EHD4: variants seen among roughly 807,000 people sequenced by gnomAD.
EHD4 encodes the protein EH domain-containing protein 4.
Under a neutral mutation model 51.0 loss-of-function variants are expected in EHD4, and 37 were observed. That is an observed-to-expected ratio of 0.73 (90% CI 0.56 to 0.95). The LOEUF (loss-of-function observed/expected upper bound fraction) is 0.95. EHD4 is among the 40% of genes least tolerant of loss of function. The pLI, the probability that EHD4 is intolerant of heterozygous loss-of-function variation, is 0.00. For synonymous variants in EHD4, 297 were observed against 317.3 expected (o/e 0.94, Z 0.68); for missense variants, 632 against 733.1 (o/e 0.86, Z 1.59).
rs149100523 is a variant in EHD4 at position 41,910,946 on chromosome 15, G to T, written c.925-1083C>A. 4.3e-3 allele frequency among the ~76,000 whole-genome samples: 651 copies of T among 152,230 alleles called. 5 individuals are homozygous for T. Among genetic ancestry groups the T allele is most frequent in the African/African-American group, 0.015 (621 of 41,522 alleles). ...AATAAGAAAGGATGAAAAACAGAGT[G>T]GTGATTACAAAAAGAAAATGACTAT... On this transcript the variant is annotated intron_variant, in intron 4 of 5. Coordinates refer to ENST00000220325, the MANE Select transcript of EHD4 (RefSeq NM_139265.4).
chr15:41,936,288 A>C (rs2067731197), intron 3 of EHD4, among the ~76,000 whole-genome samples: 1 of 152,136 alleles, frequency 6.6e-6, no homozygotes, highest in African/African-American at 2.4e-5. Context: ...AAGACAAGCT[A>C]CCATACTTGC....
intron 2 of EHD4, among the ~76,000 whole-genome samples, chr15:41,953,306 T>C (rs949197968): frequency 5.3e-5 from 8 of 152,222 alleles, no homozygotes; most frequent in African/African-American, 1.9e-4. Context: ...CACTGCCTCA[T>C]GAGGCAGCCT....
chr15:41,914,507 CA>C (rs2067570368), intron 4 of EHD4, among the ~76,000 whole-genome samples: 1 of 152,168 alleles, frequency 6.6e-6, no homozygotes, highest in South Asian at 2.1e-4. Flanking sequence ...AAACTGGCAC[CA>C]ATGGCACGTG....
chr15:41,919,387 C>A lies in EHD4; in HGVS notation c.747G>T (p.Thr249=), dbSNP rs761326048. 1 of 1,611,214 alleles carries A rather than the reference C, an allele frequency of 6.2e-7. No homozygotes were observed. Among genetic ancestry groups the A allele is most frequent in the Non-Finnish European group, 8.5e-7 (1 of 1,178,250 alleles). Residue 249 remains threonine, a synonymous_variant, in exon 4 of 6, where the codon ACG becomes ACT. Transcript: ENST00000220325. ...CAATGTAGACGCGCAGTACCTCGGG[C>A]GTGTTGATGACCTTGCCTAGGGACC... ...LMWSLGKVIN[T]PEVLRVYIGS... is the part of the protein sequence containing the mutation.
chr15:41,906,487 T>C (rs745414124), intron 5 of EHD4, among the ~76,000 whole-genome samples: 5 of 152,150 alleles, frequency 3.3e-5, no homozygotes, highest in Non-Finnish European at 7.3e-5. Context: ...CTTATTCTTC[T>C]TGGATGCAGG....
intron 3 of EHD4, among the ~76,000 whole-genome samples, chr15:41,939,456 A>G (rs2067752196): frequency 6.6e-6 from 1 of 152,112 alleles, no homozygotes; most frequent in Non-Finnish European, 1.5e-5. Flanking sequence ...GCACTTTGGG[A>G]GGCCGAGGCG....
chr15:41,943,296 A>T (rs1267908113), intron 2 of EHD4, 132 bp from the exon 3 acceptor site: 1 of 631,118 alleles, frequency 1.6e-6, no homozygotes, highest in African/African-American at 1.8e-5. Context: ...ACAGAAACTG[A>T]GGATGCCTAA....
chr15:41,952,856 G>T (rs923393869), intron 2 of EHD4, among the ~76,000 whole-genome samples: 1 of 151,916 alleles, frequency 6.6e-6, no homozygotes, highest in African/African-American at 2.4e-5. Context: ...TGGGTGTGGT[G>T]GTGGGTGCCT....
chr15:41,902,203 G>A (rs1378689428), intron 5 of EHD4, among the ~76,000 whole-genome samples: 4 of 151,988 alleles, frequency 2.6e-5, no homozygotes, highest in East Asian at 1.9e-4. Context: ...GGATGGCACC[G>A]TAGAAACTGA....
At chr15:41,911,964 T>C (rs2067552838) in intron 4 of EHD4, among the ~76,000 whole-genome samples, 1 of 152,128 alleles carries the variant, frequency 6.6e-6, no homozygotes, top group African/African-American at 2.4e-5. Flanking sequence ...GGGCACACTG[T>C]TCCTGAACAC....
At chr15:41,917,373 A>G (rs1241694401) in intron 4 of EHD4, among the ~76,000 whole-genome samples, 1 of 151,712 alleles carries the variant, frequency 6.6e-6, no homozygotes, top group Non-Finnish European at 1.5e-5. Context: ...CCCGCCTCCG[A>G]CTCCCAAAGT....
chr15:41,916,932 C>A (rs1425867902), intron 4 of EHD4, among the ~76,000 whole-genome samples: 1 of 152,176 alleles, frequency 6.6e-6, no homozygotes, highest in Admixed American at 6.5e-5. Context: ...CCACTCCCTG[C>A]ATCCACACAA....
rs535197522 is a variant in EHD4 at position 41,921,646 on chromosome 15, C to T, written c.512-2024G>A. 3.3e-5 allele frequency: 5 copies of T among 152,346 alleles called. No individual in the cohort carries two copies. In the East Asian group the frequency reaches 9.7e-4, roughly 29 times the overall value. 9.4% of individuals were successfully genotyped at this position (152,346 alleles called of 1,614,324 possible). On this transcript the variant is annotated intron_variant, in intron 3 of 5. Transcript: ENST00000220325. ...AGAGATGATTGATTCACCATGCTGA[C>T]CTGACCACTCTCCCACGTGGTCTTC...
At chr15:41,946,536 C>T (rs2067816014) in intron 2 of EHD4, among the ~76,000 whole-genome samples, 1 of 152,148 alleles carries the variant, frequency 6.6e-6, no homozygotes, top group Non-Finnish European at 1.5e-5. Context: ...CAAGACCAGC[C>T]TGGGCACCAT....
At chr15:41,962,688 C>A (rs1704410) in intron 1 of EHD4, among the ~76,000 whole-genome samples, 5,788 of 151,898 alleles carry the variant, frequency 0.038, 380 homozygotes, top group African/African-American at 0.13. Flanking sequence ...GGGCAGCCCC[C>A]ACCCGGCCGC....
chr15:41,908,795 T>C (rs76286595), intron 5 of EHD4: 10,216 of 152,314 alleles, frequency 0.067, 404 homozygotes, highest in South Asian at 0.093. Flanking sequence ...TCTTGGAACC[T>C]TCTTCTCTAT....
At chr15:41,968,167 C>A (rs1235003074) in intron 1 of EHD4, among the ~76,000 whole-genome samples, 1 of 152,174 alleles carries the variant, frequency 6.6e-6, no homozygotes, top group Admixed American at 6.5e-5. Context: ...ACCTTCTCAG[C>A]CCACTCCAGC....
chr15:41,924,360 G>A (rs75300838), intron 3 of EHD4, among the ~76,000 whole-genome samples: 249 of 152,244 alleles, frequency 1.6e-3, no homozygotes, highest in Middle Eastern at 3.4e-3. Context: ...CTAATTCTGC[G>A]ACCTTGGGCA....
At position 41,919,435 on chromosome 15, in the gene EHD4, C is replaced by T; in HGVS notation, c.699G>A (p.Met233Ile). ...ACCACATGAGGGCCCCGTAGACCCG[C>T]ATCAGCTGCTGCGTGTCCACTTGGT... ...KADQVDTQQL[M>I]RVYGALMWSL... Residue 233 changes from methionine to isoleucine, a missense_variant, in exon 4 of 6, where the codon ATG (methionine) becomes ATA (isoleucine). Coordinates refer to ENST00000220325, the MANE Select transcript of EHD4 (RefSeq NM_139265.4). The T allele has an allele frequency of 6.3e-7, 1 of 1,584,150 alleles. No homozygotes were observed. Among genetic ancestry groups the T allele is most frequent in the Non-Finnish European group, 8.6e-7 (1 of 1,163,828 alleles).
Sources: gnomAD v4.1 joint callset for allele counts (sites outside exome capture counted in the v4.1 genomes callset) on GRCh38, gnomAD v4.1.1 for gene constraint, MANE v1.5 for transcripts, NCBI Gene and HGNC (gene_info 2026-07-23, HGNC 2026-07-21) for gene names.